The following MED27 variants were observed in gnomAD, a reference collection of about 807,000 sequenced individuals.
MED27 encodes mediator of RNA polymerase II transcription subunit 27.
In MED27, 30 loss-of-function variants were observed where a neutral mutation model predicts 38.2. The ratio of observed to expected loss-of-function variants is 0.79; its 90% CI spans 0.59 to 1.07. The LOEUF (loss-of-function observed/expected upper bound fraction) is 1.07, where lower values mean the gene tolerates loss of function less well. Ranked by LOEUF, MED27 falls within the 50% of genes least tolerant of loss-of-function variation. The pLI is 0.00. For synonymous variants in MED27, 122 were observed against 153.5 expected, an observed-to-expected ratio of 0.79 and a Z score of 1.52; for missense variants, 289 against 397.5, an observed-to-expected ratio of 0.73 and a Z score of 2.32.
In MED27 at chr9:131,983,623, G is replaced by A. The variant is rs572954464; in HGVS notation, c.479+30714C>T. ...AAAAATGTGCATTTCAGGCAGATAT[G>A]TAAATATTTAGCACTATACTTTTGA... is the stretch of plus-strand genomic sequence containing the variant. On this transcript the variant is annotated intron_variant, in intron 3 of 7. Coordinates refer to ENST00000292035, the MANE Select transcript of MED27 (RefSeq NM_004269.4). Among the ~76,000 whole-genome samples, 3 of 152,248 alleles carry A rather than the reference G, an allele frequency of 2.0e-5. No individual in the cohort carries two copies. In the South Asian group the frequency reaches 6.2e-4, roughly 32 times the overall value.
chr9:132,034,036 T>C (rs1833020474), intron 2 of MED27, among the ~76,000 whole-genome samples: 1 of 152,152 alleles, frequency 6.6e-6, no homozygotes, highest in Admixed American at 6.5e-5. Flanking sequence ...AGTGCCAATC[T>C]CAGAAGCAGC....
At chr9:131,933,227 C>T (rs1484652554) in intron 4 of MED27, among the ~76,000 whole-genome samples, 7 of 151,980 alleles carry the variant, frequency 4.6e-5, no homozygotes, top group Non-Finnish European at 7.4e-5. Flanking sequence ...TGCCCACTTT[C>T]ATCCTTCCAT....
intron 2 of MED27, among the ~76,000 whole-genome samples, chr9:132,019,155 G>C (rs1832667866): frequency 6.6e-6 from 1 of 152,178 alleles, no homozygotes; most frequent in African/African-American, 2.4e-5. Context: ...TGTTATTCCT[G>C]GGTCTGGGAG....
intron 2 of MED27, among the ~76,000 whole-genome samples, chr9:132,026,582 C>T (rs1832824239): frequency 6.6e-6 from 1 of 152,102 alleles, no homozygotes; most frequent in Non-Finnish European, 1.5e-5. Context: ...CGTGAGCATT[C>T]AATAAAAATG....
intron 4 of MED27, among the ~76,000 whole-genome samples, chr9:131,924,766 G>C (rs544666748): frequency 2.4e-4 from 36 of 152,226 alleles, no homozygotes; most frequent in Non-Finnish European, 2.6e-4. Context: ...TCCCTTGGTA[G>C]CTTTTCTTTT....
At chr9:131,990,590 C>A (rs192803647) in intron 3 of MED27, among the ~76,000 whole-genome samples, 4 of 152,338 alleles carry the variant, frequency 2.6e-5, no homozygotes, top group Non-Finnish European at 5.9e-5. Flanking sequence ...CTGATCCAGT[C>A]CTTTTGGACC....
chr9:131,861,412 T>C lies in MED27; in HGVS notation c.802-740A>G, dbSNP rs1487741084. 1.3e-5 allele frequency among the ~76,000 whole-genome samples: 2 copies of C among 152,148 alleles called. No homozygotes were observed. The highest frequency in any genetic ancestry group is 2.9e-5 in the Non-Finnish European group (2 of 68,024). On this transcript the variant is annotated intron_variant, in intron 7 of 7. Transcript: ENST00000292035. This position sits in a 1 kb window ranked among gnomAD's most constrained non-coding sequence, Gnocchi z 4.4. ...TTCTCGCGGTGAAAGGGCACGTGAA[T>C]CTTGTCATTTAATGTCCTCCTGAAT...
At position 131,862,938 on chromosome 9, in the gene MED27, C is replaced by T; in HGVS notation, c.801+125G>A. On this transcript the variant is annotated intron_variant, in intron 7 of 7. Coordinates refer to ENST00000292035, the MANE Select transcript of MED27 (RefSeq NM_004269.4). This position sits in a 1 kb window ranked among gnomAD's most constrained non-coding sequence, Gnocchi z 4.6. Reference sequence around the variant, plus strand: ...AAAGAAAGTAGCAGTTTTAAACTGGCAGCCCCATCTCCCACTGGGAGGCCC... The same window carrying T: ...AAAGAAAGTAGCAGTTTTAAACTGGTAGCCCCATCTCCCACTGGGAGGCCC... 1.4e-6 allele frequency: 1 copy of T among 700,188 alleles called. No individual in the cohort carries two copies. The highest frequency in any genetic ancestry group is 2.4e-6 in the Non-Finnish European group (1 of 414,944). The allele number at this position is 700,188 out of a possible 1,614,324, so 43.4% of individuals were successfully genotyped here.
At chr9:132,075,899 C>T (rs980801617) in intron 2 of MED27, among the ~76,000 whole-genome samples, 1 of 152,208 alleles carries the variant, frequency 6.6e-6, no homozygotes, top group African/African-American at 2.4e-5. Context: ...CTTCCGGGAA[C>T]TCCCTCTCTC....
At chr9:131,895,909 T>TA (rs1376886253) in intron 4 of MED27, among the ~76,000 whole-genome samples, 1 of 151,952 alleles carries the variant, frequency 6.6e-6, no homozygotes, top group African/African-American at 2.4e-5. Flanking sequence ...TAGTTGTTTT[T>TA]TTTTTTTGAG....
At chr9:131,956,825 T>TAAAAAA (rs558809280) in intron 3 of MED27, among the ~76,000 whole-genome samples, 2 of 141,920 alleles carry the variant, frequency 1.4e-5, no homozygotes, top group Non-Finnish European at 3.1e-5. Flanking sequence ...AATTGATGAT[T>TAAAAAA]AAAAAAAAAA....
chr9:131,994,945 G>A (rs1042632796), intron 3 of MED27, among the ~76,000 whole-genome samples: 1 of 152,134 alleles, frequency 6.6e-6, no homozygotes, highest in African/African-American at 2.4e-5. Flanking sequence ...AAAATCCATG[G>A]CAGCTGCATT....
At chr9:131,886,767 A>G (rs1196774967) in intron 5 of MED27, among the ~76,000 whole-genome samples, 1 of 152,238 alleles carries the variant, frequency 6.6e-6, no homozygotes, top group Non-Finnish European at 1.5e-5. Context: ...ATTTGGGAGG[A>G]TAAATCGGGT....
chr9:131,969,289 G>T (rs1831423495), intron 3 of MED27, among the ~76,000 whole-genome samples: 1 of 151,834 alleles, frequency 6.6e-6, no homozygotes, highest in Non-Finnish European at 1.5e-5. Context: ...TTAGATATCA[G>T]GGACTCCATA....
Position 132,079,756 on chromosome 9 carries a change from C to G in MED27, c.89G>C (p.Arg30Thr). The G allele has an allele frequency of 6.2e-7, 1 of 1,614,164 alleles. No individual in the cohort carries two copies. The highest frequency in any genetic ancestry group is 8.5e-7 in the Non-Finnish European group (1 of 1,180,012). The change falls in exon 1 of 8, where the codon AGG becomes ACG. Residue 30 changes from arginine (R) to threonine (T), a missense_variant. Coordinates refer to ENST00000292035, the MANE Select transcript of MED27 (RefSeq NM_004269.4). Reference protein sequence around the residue: ...AIQALRSSVSRVFDCLKDGMR... With the variant: ...AIQALRSSVSTVFDCLKDGMR... ...CCCATCCTTCAGGCAGTCGAACACC[C>G]TGCTCACGCTGGAGCGCAGCGCCTG...
intron 3 of MED27, among the ~76,000 whole-genome samples, chr9:131,944,128 C>T (rs1029297556): frequency 9.2e-5 from 14 of 152,254 alleles, no homozygotes; most frequent in African/African-American, 3.1e-4. Context: ...TTTCAAATGG[C>T]GAAAATGGAT....
intron 6 of MED27, among the ~76,000 whole-genome samples, chr9:131,876,119 A>C (rs560100794): frequency 1.1e-4 from 17 of 152,304 alleles, no homozygotes; most frequent in Middle Eastern, 3.4e-3. Context: ...CTGGCAGCCC[A>C]TGCATGGAGT....
intron 2 of MED27, among the ~76,000 whole-genome samples, chr9:132,026,515 G>A (rs552955755): frequency 5.9e-5 from 9 of 152,270 alleles, no homozygotes; most frequent in South Asian, 2.1e-4. Flanking sequence ...CCACAAGAGT[G>A]CCGGAACTGT....
At chr9:132,035,076 G>A (rs1833045711) in intron 2 of MED27, among the ~76,000 whole-genome samples, 1 of 152,144 alleles carries the variant, frequency 6.6e-6, no homozygotes, top group African/African-American at 2.4e-5. Context: ...AGTGTTCACT[G>A]TGGGGCAGGC....
Sources: gnomAD v4.1 joint callset for allele counts (sites outside exome capture counted in the v4.1 genomes callset) on GRCh38, gnomAD v4.1.1 for gene constraint, Gnocchi (gnomAD v3.1) non-coding constraint, MANE v1.5 for transcripts, NCBI Gene and HGNC (gene_info 2026-07-23, HGNC 2026-07-21) for gene names.